PITPNM3: variants seen among roughly 807,000 people sequenced by gnomAD.
The protein encoded by PITPNM3 is PITPNM family member 3, also known as membrane-associated phosphatidylinositol transfer protein 3.
Under a neutral mutation model 102.0 loss-of-function variants are expected in PITPNM3, and 26 were observed. That is an observed-to-expected ratio of 0.25 (90% confidence interval 0.19 to 0.35). The LOEUF is 0.35. Ranked by LOEUF, PITPNM3 falls within the 10% of genes least tolerant of loss-of-function variation. The pLI is 1.00. For missense variants in PITPNM3, 1,083 were observed against 1,346.1 expected (o/e 0.80, Z 3.06); for synonymous variants, 578 against 558.6 (o/e 1.03, Z -0.49).
intron 4 of PITPNM3, among the ~76,000 whole-genome samples, chr17:6,494,042 A>T (rs1211463095): frequency 1.3e-5 from 2 of 152,194 alleles, no homozygotes; most frequent in African/African-American, 2.4e-5. Context: ...TGCAACAAAC[A>T]CAGCCCTAAG....
chr17:6,503,813 C>T (rs903756189), intron 3 of PITPNM3, among the ~76,000 whole-genome samples: 4 of 152,136 alleles, frequency 2.6e-5, no homozygotes, highest in African/African-American at 4.8e-5. Context: ...CCTCCTCAGG[C>T]GTTTTCACCT....
chr17:6,466,034 C>T (rs117032324), intron 14 of PITPNM3, among the ~76,000 whole-genome samples: 1 of 152,350 alleles, frequency 6.6e-6, no homozygotes, highest in East Asian at 1.9e-4. Flanking sequence ...GGAACCTGAG[C>T]TTAGCTTTCC....
intron 9 of PITPNM3, among the ~76,000 whole-genome samples, chr17:6,474,837 G>C (rs1241615799): frequency 6.6e-6 from 1 of 152,242 alleles, no homozygotes; most frequent in Non-Finnish European, 1.5e-5. Flanking sequence ...CAAAGGGCCA[G>C]AGAGTCAATA....
chr17:6,556,362 G>A lies in PITPNM3; in HGVS notation c.22+23C>T. On this transcript the variant is annotated intron_variant, in intron 1 of 19. Coordinates refer to ENST00000262483, the MANE Select transcript of PITPNM3 (RefSeq NM_031220.4). The surrounding 1 kb of genome is among the most constrained non-coding windows in gnomAD (Gnocchi z 5.2). ...AGTCCCTCCCCCGGGCCCCGGCCCT[G>A]CCCTCCCCGCGCCCGCCCTCACCTG... 1 of 1,391,322 alleles carries A rather than the reference G, an allele frequency of 7.2e-7. No individual in the cohort carries two copies. The highest frequency in any genetic ancestry group is 9.4e-7 in the Non-Finnish European group (1 of 1,067,304). 86.2% of individuals were successfully genotyped at this position (1,391,322 alleles called of 1,614,324 possible).
chr17:6,546,254 T>C (rs1306835039), intron 1 of PITPNM3, among the ~76,000 whole-genome samples: 2 of 152,222 alleles, frequency 1.3e-5, no homozygotes, highest in Non-Finnish European at 2.9e-5. Flanking sequence ...GCTCGTCTGT[T>C]TCAGGGGACA....
In PITPNM3 at chr17:6,459,157, C is replaced by T. The variant is rs1904336013; in HGVS notation, c.2491-1435G>A. Among the ~76,000 whole-genome samples the T allele has an allele frequency of 6.6e-6, 1 of 152,148 alleles. No individual in the cohort carries two copies. The highest frequency in any genetic ancestry group is 1.9e-4 in the East Asian group (1 of 5,198). ...CGACCCTGCCTACCTGCCTCATGAC[C>T]CTCCCAGCTGACACCCACTTTCTCT... is the stretch of plus-strand genomic sequence containing the variant. On this transcript the variant is annotated intron_variant, in intron 18 of 19. Transcript: ENST00000262483. This position sits in a 1 kb window ranked among gnomAD's most constrained non-coding sequence, Gnocchi z 5.0.
In PITPNM3 at chr17:6,463,806, A is replaced by G. The variant is rs1038208736; in HGVS notation, c.2232T>C (p.Asp744=). 3 of 1,613,714 alleles carry G rather than the reference A, an allele frequency of 1.9e-6. No homozygotes were observed. In the East Asian group the frequency reaches 6.7e-5, roughly 36 times the overall value. ...TAGACACGCTGGCCGCGAAGGACCC[A>G]TCAATGCTGAACACTACACACTCCA... is the stretch of plus-strand genomic sequence containing the variant. The part of the protein sequence containing the change: ...RGMECVVFSI[D]GSFAASVSIM... The change falls in exon 17 of 20, where the codon GAT becomes GAC. Residue 744 remains aspartate (D), a synonymous_variant. Transcript: ENST00000262483.
chr17:6,530,302 G>GC (rs1057512005), intron 2 of PITPNM3, among the ~76,000 whole-genome samples: 1 of 152,220 alleles, frequency 6.6e-6, no homozygotes, highest in East Asian at 1.9e-4. Flanking sequence ...CTTGGCATGT[G>GC]CCCCCCATTC....
intron 1 of PITPNM3, among the ~76,000 whole-genome samples, chr17:6,538,697 A>G (rs1468595650): frequency 6.6e-6 from 1 of 152,208 alleles, no homozygotes; most frequent in East Asian, 1.9e-4. Context: ...TGTATCAGCA[A>G]TGCCCCTGCC....
intron 3 of PITPNM3, among the ~76,000 whole-genome samples, chr17:6,522,286 G>GCACACACACA (rs35785551): frequency 3.4e-5 from 5 of 149,218 alleles, no homozygotes; most frequent in African/African-American, 1.2e-4. Flanking sequence ...TTTAGTGTGC[G>GCACACACACA]CACACACACA....
At chr17:6,473,617 C>T (rs976532677) in intron 10 of PITPNM3, among the ~76,000 whole-genome samples, 4 of 152,202 alleles carry the variant, frequency 2.6e-5, no homozygotes, top group Non-Finnish European at 5.9e-5. Context: ...CCTCCCCACC[C>T]CTCATGCCTG....
Position 6,455,440 on chromosome 17 carries a change from G to C in PITPNM3, c.2823C>G (p.Pro941=). 1 of 1,603,908 alleles carries C rather than the reference G, an allele frequency of 6.2e-7. No homozygotes were observed. Among genetic ancestry groups the C allele is most frequent in the South Asian group, 1.1e-5 (1 of 91,004 alleles). ...QPDPPAANPK[P]ERAQSQPESD... is the part of the protein sequence containing the mutation. ...ACTCGGGCTGGCTCTGGGCCCGCTC[G>C]GGCTTGGGGTTGGCGGCGGGCGGGT... Residue 941 remains proline (P), a synonymous_variant, in exon 20 of 20, where the codon CCC becomes CCG. Coordinates refer to ENST00000262483, the MANE Select transcript of PITPNM3 (RefSeq NM_031220.4).
At chr17:6,516,729 A>G (rs901215936) in intron 3 of PITPNM3, among the ~76,000 whole-genome samples, 6 of 151,750 alleles carry the variant, frequency 4.0e-5, no homozygotes, top group Admixed American at 6.6e-5. Context: ...ACAAGGACTA[A>G]AGATGTAAAA....
intron 4 of PITPNM3, among the ~76,000 whole-genome samples, chr17:6,497,360 G>A (rs147025830): frequency 6.6e-6 from 1 of 152,230 alleles, no homozygotes; most frequent in Non-Finnish European, 1.5e-5. Flanking sequence ...ACATGCCCAC[G>A]ATGGGGAGAG....
At chr17:6,477,544 T>C (rs1905381482) in intron 8 of PITPNM3, among the ~76,000 whole-genome samples, 1 of 152,130 alleles carries the variant, frequency 6.6e-6, no homozygotes, top group Non-Finnish European at 1.5e-5. Context: ...TTCTTCTTCT[T>C]CTTCTTTTTT....
intron 4 of PITPNM3, among the ~76,000 whole-genome samples, chr17:6,499,529 T>A (rs1907042244): frequency 6.6e-6 from 1 of 152,142 alleles, no homozygotes; most frequent in African/African-American, 2.4e-5. Context: ...CCCCACTTGA[T>A]AAGATTCATC....
rs549825421 is a variant in PITPNM3, at chr17:6,484,201, C to T, written c.351+15G>A. The stretch of plus-strand genomic sequence containing the variant: ...CTCTGAGTTGAGCCCAGACACCCTC[C>T]GAAGCCCAGCCTACCTCGCTGTCTT... On this transcript the variant is annotated intron_variant, in intron 5 of 19. Transcript: ENST00000262483. 1.0e-4 allele frequency: 162 copies of T among 1,595,822 alleles called. 1 individual carries two copies. The highest frequency in any genetic ancestry group is 8.3e-4 in the Middle Eastern group (5 of 6,016).
intron 2 of PITPNM3, among the ~76,000 whole-genome samples, chr17:6,527,865 T>C (rs1908920970): frequency 6.6e-6 from 1 of 152,202 alleles, no homozygotes; most frequent in South Asian, 2.1e-4. Flanking sequence ...GTGCCATAAG[T>C]CCTGTCCCAG....
chr17:6,465,057 G>GT (rs1219670966), intron 14 of PITPNM3, among the ~76,000 whole-genome samples: 1 of 152,076 alleles, frequency 6.6e-6, no homozygotes. Context: ...TTTGTTTTTT[G>GT]TTTTTTGTTT....
Sources: gnomAD v4.1 joint callset for allele counts (sites outside exome capture counted in the v4.1 genomes callset) on GRCh38, gnomAD v4.1.1 for gene constraint, Gnocchi (gnomAD v3.1) non-coding constraint, MANE v1.5 for transcripts, NCBI Gene and HGNC (gene_info 2026-07-23, HGNC 2026-07-21) for gene names.